FAM163A: variants seen among roughly 807,000 people sequenced by gnomAD.
The protein encoded by FAM163A is protein FAM163A.
FAM163A carries 7 observed loss-of-function variants against 12.0 expected under a neutral mutation model. That is an observed-to-expected ratio of 0.58 (90% CI 0.33 to 1.10). The LOEUF (loss-of-function observed/expected upper bound fraction) is 1.10. Among genes scored for constraint, FAM163A ranks in the 50% least tolerant of loss-of-function variants. FAM163A has a pLI of 0.03. For missense variants in FAM163A, 202 were observed against 218.6 expected (o/e 0.92, Z 0.48); for synonymous variants, 101 against 91.0 (o/e 1.11, Z -0.62).
At chr1:179,759,407 C>T (rs564217046) in intron 1 of FAM163A, among the ~76,000 whole-genome samples, 3 of 151,910 alleles carry the variant, frequency 2.0e-5, no homozygotes, top group East Asian at 1.9e-4. Flanking sequence ...CTACCATGAG[C>T]GAGAATGAAG....
chr1:179,813,024 A>C (rs1181598527), intron 3 of FAM163A, 52 bp from the exon 4 acceptor site: 4 of 1,506,316 alleles, frequency 2.7e-6, no homozygotes, highest in Non-Finnish European at 3.6e-6. Flanking sequence ...CCCCCGGCCC[A>C]GCCCAGGGCT....
At chr1:179,759,899 T>G (rs1009438318) in intron 1 of FAM163A, among the ~76,000 whole-genome samples, 1 of 152,182 alleles carries the variant, frequency 6.6e-6, no homozygotes, top group Non-Finnish European at 1.5e-5. Context: ...ACTCCTGACC[T>G]CAGGTGATCC....
At chr1:179,807,542 T>G (rs941227873) in intron 1 of FAM163A, among the ~76,000 whole-genome samples, 5 of 152,212 alleles carry the variant, frequency 3.3e-5, no homozygotes, top group Non-Finnish European at 7.3e-5. Context: ...GCCGCTGCCC[T>G]GGGCACAGGC....
At chr1:179,758,086 G>A (rs1018088175) in intron 1 of FAM163A, among the ~76,000 whole-genome samples, 1 of 152,158 alleles carries the variant, frequency 6.6e-6, no homozygotes, top group East Asian at 1.9e-4. Context: ...AGAATATCTC[G>A]AGGGTATATT....
chr1:179,739,734 G>A (rs533440766), upstream of FAM163A, among the ~76,000 whole-genome samples: 9 of 152,226 alleles, frequency 5.9e-5, no homozygotes, highest in South Asian at 6.2e-4. Context: ...ACCAAAAGAC[G>A]TAAACAGAGA....
the FAM163A span, among the ~76,000 whole-genome samples, chr1:179,737,260 G>T: frequency 5.9e-5 from 9 of 152,158 alleles, no homozygotes; most frequent in East Asian, 1.7e-3. Flanking sequence ...TGTTAGAAGA[G>T]GAAAAATATT....
the FAM163A span, among the ~76,000 whole-genome samples, chr1:179,730,918 A>G: frequency 1.3e-4 from 20 of 152,230 alleles, no homozygotes; most frequent in African/African-American, 4.6e-4. Context: ...GCCCACAGCT[A>G]ATTGTTAGAG....
At chr1:179,759,733 G>GAC (rs1557904882) in intron 1 of FAM163A, among the ~76,000 whole-genome samples, 1 of 151,582 alleles carries the variant, frequency 6.6e-6, no homozygotes, top group Non-Finnish European at 1.5e-5. Flanking sequence ...GCGGCACAAT[G>GAC]TTGTCTCACT....
Position 179,814,074 on chromosome 1 carries a change from AAG to A in FAM163A, c.392_393del (p.Glu131GlyfsTer24). 1.2e-6 allele frequency: 2 copies of A among 1,614,084 alleles called. No individual in the cohort carries two copies. The highest frequency in any genetic ancestry group is 1.7e-6 in the Non-Finnish European group (2 of 1,180,000). On this transcript the variant is annotated frameshift_variant, in exon 5 of 5. Transcript: ENST00000341785. LOFTEE classifies it high-confidence loss of function. ...CTCTCCTTTGCTCCCACATACTACAAAGAGGGGGGACCCCCATCCCTCAAATT... is the reference window on the plus strand; with the variant it reads ...CTCTCCTTTGCTCCCACATACTACAAAGGGGGGACCCCCATCCCTCAAATT...
In FAM163A at chr1:179,763,315, T is replaced by A. The variant is rs1428369466; in HGVS notation, c.-136+19892T>A. Among the ~76,000 whole-genome samples, 7 of 152,370 alleles carry A rather than the reference T, an allele frequency of 4.6e-5. No homozygotes were observed. The East Asian group carries it at 1.3e-3, about 29-fold the overall frequency. On this transcript the variant is annotated intron_variant, in intron 1 of 4. Transcript: ENST00000341785. The stretch of plus-strand genomic sequence containing the variant: ...TCTACTCTCTTTTCAGAGCTTCTCC[T>A]GTATCTGTTGTTTCTCAAAATAATC...
In FAM163A at chr1:179,814,735, T is replaced by C. The variant is rs1695150044; in HGVS notation, c.*546T>C. ...CCAACAGCTAGTTCACAGCCCAGCTTTGTACGTTGGTTACCATAGCTACTG... is the reference window on the plus strand; with the variant it reads ...CCAACAGCTAGTTCACAGCCCAGCTCTGTACGTTGGTTACCATAGCTACTG... On this transcript the variant is annotated 3_prime_UTR_variant, in exon 5 of 5. Transcript: ENST00000341785. The C allele has an allele frequency of 6.4e-6, 1 of 155,310 alleles. No individual in the cohort carries two copies. Among genetic ancestry groups the C allele is most frequent in the Non-Finnish European group, 1.4e-5 (1 of 70,054 alleles). 9.6% of individuals were successfully genotyped at this position (155,310 alleles called of 1,614,324 possible).
intron 1 of FAM163A, among the ~76,000 whole-genome samples, chr1:179,768,671 T>G (rs1259506158): frequency 6.6e-6 from 1 of 152,002 alleles, no homozygotes; most frequent in African/African-American, 2.4e-5. Flanking sequence ...AGTGGTATGA[T>G]CTTGGCTCAC....
chr1:179,779,539 G>A (rs1689441291), intron 1 of FAM163A, among the ~76,000 whole-genome samples: 2 of 152,220 alleles, frequency 1.3e-5, no homozygotes, highest in African/African-American at 4.8e-5. Context: ...GGGTCTCAGA[G>A]AAAGAGCTCA....
intron 2 of FAM163A, among the ~76,000 whole-genome samples, chr1:179,811,381 TG>T (rs1694680032): frequency 6.6e-6 from 1 of 152,166 alleles, no homozygotes; most frequent in East Asian, 1.9e-4. Flanking sequence ...GACAGAAGAC[TG>T]GGGTAGCCAA....
intron 1 of FAM163A, among the ~76,000 whole-genome samples, chr1:179,781,446 G>A (rs1199431045): frequency 6.6e-6 from 1 of 151,622 alleles, no homozygotes; most frequent in Admixed American, 6.6e-5. Context: ...AGAGTTCTCG[G>A]TTGGTTGACT....
chr1:179,800,243 G>A (rs1319295319), intron 1 of FAM163A, among the ~76,000 whole-genome samples: 2 of 152,186 alleles, frequency 1.3e-5, no homozygotes, highest in African/African-American at 4.8e-5. Context: ...ACACACCTGT[G>A]CTTACTCTTC....
the FAM163A span, among the ~76,000 whole-genome samples, chr1:179,732,353 G>A: frequency 1.3e-5 from 2 of 152,280 alleles, no homozygotes; most frequent in Admixed American, 6.5e-5. Context: ...ACGTAGATGC[G>A]CTAAAGCTCT....
intron 1 of FAM163A, among the ~76,000 whole-genome samples, chr1:179,788,181 T>C (rs1690918568): frequency 6.6e-6 from 1 of 152,240 alleles, no homozygotes; most frequent in South Asian, 2.1e-4. Context: ...TCTATTTCCC[T>C]GCTCCTCTAG....
At chr1:179,753,092 G>T (rs1685512665) in intron 1 of FAM163A, among the ~76,000 whole-genome samples, 1 of 152,134 alleles carries the variant, frequency 6.6e-6, no homozygotes, top group African/African-American at 2.4e-5. Context: ...ATGCATAGTG[G>T]ATTTAATGTG....
Sources: allele counts gnomAD v4.1 joint callset (sites outside exome capture counted in the v4.1 genomes callset), GRCh38; gene constraint gnomAD v4.1.1; transcripts MANE v1.5; gene names NCBI Gene and HGNC (gene_info 2026-07-23, HGNC 2026-07-21).